Variants in TEAD2 observed in about 807,000 individuals in gnomAD.
TEAD2 encodes TEA domain transcription factor 2, also known as transcriptional enhancer factor TEF-4.
Under a neutral mutation model 61.4 loss-of-function variants are expected in TEAD2, and 51 were observed. The ratio of observed to expected loss-of-function variants is 0.83; its 90% CI spans 0.66 to 1.05. The LOEUF is 1.05. Among genes scored for constraint, TEAD2 ranks in the 50% least tolerant of loss-of-function variants. TEAD2 has a pLI of 0.00. For synonymous variants in TEAD2, 244 were observed against 243.2 expected, an observed-to-expected ratio of 1.00 and a Z score of -0.03; for missense variants, 509 against 600.0, an observed-to-expected ratio of 0.85 and a Z score of 1.58.
chr19:49,360,661 T>TTAAG (rs1444819733), intron 1 of TEAD2, among the ~76,000 whole-genome samples: 1 of 147,166 alleles, frequency 6.8e-6, no homozygotes, highest in Non-Finnish European at 1.5e-5. Context: ...CAAGAACAGG[T>TTAAG]GGTAAGATGT....
chr19:49,356,745 C>T (rs1053190488), intron 4 of TEAD2, among the ~76,000 whole-genome samples: 30 of 152,090 alleles, frequency 2.0e-4, no homozygotes, highest in African/African-American at 7.2e-4. Context: ...AGGGGACCGA[C>T]GGCCCATCCT....
At chr19:49,350,271 A>G (rs1235612614) in intron 8 of TEAD2, among the ~76,000 whole-genome samples, 1 of 152,126 alleles carries the variant, frequency 6.6e-6, no homozygotes, top group Non-Finnish European at 1.5e-5. Flanking sequence ...CTGAACTGTC[A>G]GTTACTGGAA....
chr19:49,357,377 T>C lies in TEAD2; in HGVS notation c.298-63A>G, dbSNP rs913900383. 5 of 1,532,646 alleles carry C rather than the reference T, an allele frequency of 3.3e-6. No homozygotes were observed. In the African/African-American group the frequency reaches 4.1e-5, roughly 13 times the overall value. 94.9% of individuals were successfully genotyped at this position (1,532,646 alleles called of 1,614,324 possible). On this transcript the variant is annotated intron_variant, in intron 3 of 12. Coordinates refer to ENST00000593945, the MANE Select transcript of TEAD2 (RefSeq NM_001256660.2). ...CCACCGCCCCTGTGTTCACTACCCC[T>C]TCTCTCCCTCCAGGTGCCTCACTGA...
chr19:49,343,756 A>G (rs1204252173), intron 10 of TEAD2, among the ~76,000 whole-genome samples: 2 of 148,252 alleles, frequency 1.3e-5, no homozygotes, highest in African/African-American at 5.0e-5. Context: ...AAAAAAACAC[A>G]GTGGGGACTC....
chr19:49,347,445 C>A, intron 9 of TEAD2, 82 bp from the exon 10 acceptor site: 1 of 1,491,082 alleles, frequency 6.7e-7, no homozygotes, highest in South Asian at 1.2e-5. Context: ...CAAATGCCGT[C>A]ACCATCCCCA....
At chr19:49,360,118 CCCCA>C in intron 1 of TEAD2, 37 bp from the exon 2 acceptor site, 3 of 1,536,742 alleles carry the variant, frequency 2.0e-6, no homozygotes, top group Non-Finnish European at 2.7e-6. Context: ...TTCCCCCAAA[CCCCA>C]CCCTCAAGGG....
chr19:49,344,317 C>T (rs1169840896), intron 10 of TEAD2, among the ~76,000 whole-genome samples: 2 of 151,438 alleles, frequency 1.3e-5, no homozygotes, highest in African/African-American at 4.9e-5. Context: ...GATGAAGTCT[C>T]GCTCTTGTTG....
In TEAD2 at chr19:49,360,031, G is replaced by T. The variant is rs1470684666; in HGVS notation, c.45C>A (p.Gly15=). 3 of 1,608,442 alleles carry T rather than the reference G, an allele frequency of 1.9e-6. No individual in the cohort carries two copies. Among genetic ancestry groups the T allele is most frequent in the Non-Finnish European group, 2.5e-6 (3 of 1,179,892 alleles). ...RAGAALDDGS[G]WTGSEEGSEE... is the part of the protein sequence containing the mutation. ...CACTGCCTTCCTCACTGCCCGTCCA[G>T]CCGCTGCCATCGTCCAGGGCGGCCC... Residue 15 remains glycine, a synonymous_variant, in exon 2 of 13, where the codon GGC becomes GGA. Transcript: ENST00000593945.
In TEAD2 at chr19:49,360,066, G is replaced by T; in HGVS notation, c.10C>A (p.Pro4Thr). The T allele has an allele frequency of 6.2e-7, 1 of 1,605,366 alleles. No individual in the cohort carries two copies. The change falls in exon 2 of 13, where the codon CCC becomes ACC. Residue 4 changes from proline (P) to threonine (T), a missense_variant. Pro to Thr is a conservative substitution (Grantham distance 38, BLOSUM62 -1). Transcript: ENST00000593945. Reference sequence around the variant, plus strand: ...TCGTCCAGGGCGGCCCCAGCCCGGGGTTCCCCCATCTGGGCCTGGAGGAAC... The same window carrying T: ...TCGTCCAGGGCGGCCCCAGCCCGGGTTTCCCCCATCTGGGCCTGGAGGAAC... MGEPRAGAALDDGS... is the reference protein window; with the variant it reads MGETRAGAALDDGS...
intron 7 of TEAD2, among the ~76,000 whole-genome samples, chr19:49,353,602 G>A (rs754648378): frequency 1.3e-5 from 2 of 151,990 alleles, no homozygotes; most frequent in Admixed American, 6.6e-5. Context: ...CCATGAAAGC[G>A]GAAACCCCAG....
chr19:49,361,558 G>A (rs1568586395), intron 1 of TEAD2: 1 of 152,204 alleles, frequency 6.6e-6, no homozygotes, highest in Admixed American at 6.5e-5. Flanking sequence ...CCCATCAGGG[G>A]AGGGGCTTGC....
Position 49,341,164 on chromosome 19 carries a change from G to T in TEAD2, c.*160C>A. ...GTTCAGCTCTCCAACCAAGTTTTGGGGGCCCCTCTAATGGGGGGGATGGCC... is the reference window on the plus strand; with the variant it reads ...GTTCAGCTCTCCAACCAAGTTTTGGTGGCCCCTCTAATGGGGGGGATGGCC... On this transcript the variant is annotated 3_prime_UTR_variant, in exon 13 of 13. Transcript: ENST00000593945. This position sits in a 1 kb window ranked among gnomAD's most constrained non-coding sequence, Gnocchi z 4.2. The T allele has an allele frequency of 1.6e-6, 1 of 631,638 alleles. No individual in the cohort carries two copies. 39.1% of individuals were successfully genotyped at this position (631,638 alleles called of 1,614,324 possible).
chr19:49,347,384 G>A (rs542111414), intron 9 of TEAD2, 21 bp from the exon 10 acceptor site: 2 of 1,598,604 alleles, frequency 1.3e-6, no homozygotes, highest in South Asian at 1.1e-5. Context: ...TTGGCCGTGG[G>A]TGAGAAGTCG....
At chr19:49,355,925 G>A (rs1972361088) in intron 5 of TEAD2, 34 bp downstream of exon 5, 3 of 1,268,802 alleles carry the variant, frequency 2.4e-6, no homozygotes, top group Non-Finnish European at 3.0e-6. Context: ...AGTTTGGAGT[G>A]AGCGTGGGTG....
At chr19:49,344,856 G>C (rs1361124795) in intron 10 of TEAD2, among the ~76,000 whole-genome samples, 1 of 152,108 alleles carries the variant, frequency 6.6e-6, no homozygotes, top group Non-Finnish European at 1.5e-5. Flanking sequence ...TGTGTAGACA[G>C]CTGGCCAAGT....
At chr19:49,348,044 T>A (rs571884317) in intron 9 of TEAD2, among the ~76,000 whole-genome samples, 3 of 152,132 alleles carry the variant, frequency 2.0e-5, no homozygotes, top group Non-Finnish European at 4.4e-5. Context: ...TCCTAAAACC[T>A]CCTGCACAAT....
In TEAD2 at chr19:49,348,166, A is replaced by C. The variant is rs112401023; in HGVS notation, c.747+537T>G. Among the ~76,000 whole-genome samples, 1,010 of 146,508 alleles carry C rather than the reference A, an allele frequency of 6.9e-3. 8 individuals carry two copies. The highest frequency in any genetic ancestry group is 0.011 in the Non-Finnish European group (756 of 66,006). On this transcript the variant is annotated intron_variant, in intron 9 of 12. Transcript: ENST00000593945. Reference sequence around the variant, plus strand: ...AAAATGGAAGGAGCCTGGATCCCCAAATCACTTGAGTCCAAGGCTCCTGCT... The same window carrying C: ...AAAATGGAAGGAGCCTGGATCCCCACATCACTTGAGTCCAAGGCTCCTGCT...
chr19:49,348,032 A>G (rs1354321551), intron 9 of TEAD2, among the ~76,000 whole-genome samples: 1 of 152,152 alleles, frequency 6.6e-6, no homozygotes, highest in Non-Finnish European at 1.5e-5. Context: ...TCCAAGTCAG[A>G]TTCCTAAAAC....
In TEAD2 at chr19:49,359,369, C is replaced by A; in HGVS notation, c.297+66G>T. The A allele has an allele frequency of 6.8e-7, 1 of 1,481,418 alleles. No homozygotes were observed. The highest frequency in any genetic ancestry group is 1.1e-5 in the South Asian group (1 of 87,868). 91.8% of individuals were successfully genotyped at this position (1,481,418 alleles called of 1,614,324 possible). A position where few individuals can be genotyped will look rare whatever the true frequency, so the allele number is the denominator to read the frequency against. On this transcript the variant is annotated intron_variant, in intron 3 of 12. Transcript: ENST00000593945. The surrounding 1 kb of genome is among the most constrained non-coding windows in gnomAD (Gnocchi z 4.1). ...CTTCTTCCTTGAACCTGAACCTGCC[C>A]ATGCGAGGATGACCCTAAGAAGACC...
Sources: allele counts gnomAD v4.1 joint callset (sites outside exome capture counted in the v4.1 genomes callset), GRCh38; gene constraint gnomAD v4.1.1; non-coding constraint Gnocchi (gnomAD v3.1); transcripts MANE v1.5; gene names NCBI Gene and HGNC (gene_info 2026-07-23, HGNC 2026-07-21).